Variants in GPHN observed in about 807,000 individuals in gnomAD.
GPHN encodes the protein gephyrin.
Under a neutral mutation model 95.5 loss-of-function variants are expected in GPHN, and 17 were observed. The observed-to-expected ratio is 0.18, with a 90% CI of 0.12 to 0.27. The LOEUF is 0.27. GPHN is among the 10% of genes least tolerant of loss of function. GPHN has a pLI of 1.00. For missense variants in GPHN, 660 were observed against 978.1 expected, an observed-to-expected ratio of 0.67 and a Z score of 4.34; for synonymous variants, 320 against 322.5, an observed-to-expected ratio of 0.99 and a Z score of 0.08.
chr14:67,511,707 G>A, the GPHN span, among the ~76,000 whole-genome samples: 1 of 152,204 alleles, frequency 6.6e-6, no homozygotes, highest in Non-Finnish European at 1.5e-5. Context: ...TGAAGGAGCA[G>A]GGGGCCAGCA....
chr14:67,247,379 T>C, the GPHN span, among the ~76,000 whole-genome samples: 1 of 152,234 alleles, frequency 6.6e-6, no homozygotes, highest in Non-Finnish European at 1.5e-5. Flanking sequence ...GACTTTCTGC[T>C]AAACTCCCTT....
At chr14:67,671,669 A>G in the GPHN span, among the ~76,000 whole-genome samples, 5 of 152,252 alleles carry the variant, frequency 3.3e-5, no homozygotes. Flanking sequence ...AGAATAGCTG[A>G]GTCTGGGTAA....
chr14:67,420,458 G>A, the GPHN span, among the ~76,000 whole-genome samples: 4 of 152,228 alleles, frequency 2.6e-5, no homozygotes, highest in Non-Finnish European at 2.9e-5. Context: ...AAGAGATGGT[G>A]GAAGGATTGA....
chr14:67,053,094 A>G (rs919649523), intron 10 of GPHN, among the ~76,000 whole-genome samples: 2 of 151,536 alleles, frequency 1.3e-5, no homozygotes, highest in Non-Finnish European at 2.9e-5. Context: ...AAGACAAGAA[A>G]TAACCAAGAT....
At chr14:67,242,900 AATAT>A in the GPHN span, among the ~76,000 whole-genome samples, 3 of 152,286 alleles carry the variant, frequency 2.0e-5, no homozygotes, top group African/African-American at 7.2e-5. Flanking sequence ...AACGGGAGAG[AATAT>A]ATAAGTTCTA....
chr14:67,188,143 T>C, the GPHN span, among the ~76,000 whole-genome samples: 1 of 152,098 alleles, frequency 6.6e-6, no homozygotes, highest in African/African-American at 2.4e-5. Context: ...CAGGCGTGAA[T>C]AGGCAGGCCC....
the GPHN span, among the ~76,000 whole-genome samples, chr14:67,479,119 C>T: frequency 4.6e-5 from 7 of 152,044 alleles, no homozygotes; most frequent in Non-Finnish European, 1.0e-4. Context: ...CTTAAAAATG[C>T]TTATGGAGGC....
the GPHN span, among the ~76,000 whole-genome samples, chr14:67,639,764 T>C: frequency 6.6e-6 from 1 of 151,776 alleles, no homozygotes; most frequent in Admixed American, 6.6e-5. Flanking sequence ...CTACTAAAAA[T>C]ACAAAAACAA....
At chr14:67,276,259 T>C in the GPHN span, among the ~76,000 whole-genome samples, 246 of 152,312 alleles carry the variant, frequency 1.6e-3, no homozygotes, top group African/African-American at 5.7e-3. Flanking sequence ...TTTATCATTA[T>C]TCATGTACAG....
intron 1 of GPHN, among the ~76,000 whole-genome samples, chr14:66,598,973 T>C (rs1179989501): frequency 6.6e-6 from 1 of 152,088 alleles, no homozygotes; most frequent in Non-Finnish European, 1.5e-5. Context: ...TTAGTACAAT[T>C]TTTTTATACG....
the GPHN span, among the ~76,000 whole-genome samples, chr14:67,294,170 G>T: frequency 1.3e-5 from 2 of 152,140 alleles, no homozygotes; most frequent in Non-Finnish European, 2.9e-5. Flanking sequence ...TAAAAGTACT[G>T]TATAAAGGAG....
At position 67,122,149 on chromosome 14, in the gene GPHN, T is replaced by C. The variant is rs962591437; in HGVS notation, c.1627-107T>C. On this transcript the variant is annotated intron_variant, in intron 16 of 22. Transcript: ENST00000478722. ...TTCACCTTCAAAATGCCAGATACCATTGTAGGTGCTAGATATGCTAAACTC... is the reference window on the plus strand; with the variant it reads ...TTCACCTTCAAAATGCCAGATACCACTGTAGGTGCTAGATATGCTAAACTC... 24 of 1,017,044 alleles carry C rather than the reference T, an allele frequency of 2.4e-5. 1 individual carries two copies. The highest frequency in any genetic ancestry group is 8.7e-5 in the Admixed American group (5 of 57,254). 63.0% of individuals were successfully genotyped at this position (1,017,044 alleles called of 1,614,324 possible). A position where few individuals can be genotyped will look rare whatever the true frequency, so the allele number is the denominator to read the frequency against.
chr14:67,733,633 TCTGG>T, the GPHN span: 3 of 714,740 alleles, frequency 4.2e-6, no homozygotes, highest in Non-Finnish European at 7.5e-6. Context: ...TTTCTTTGAG[TCTGG>T]CATATATTGT....
chr14:67,729,431 C>T, the GPHN span: 2 of 1,547,826 alleles, frequency 1.3e-6, no homozygotes, highest in Non-Finnish European at 1.8e-6. Context: ...ATGGGAGGTG[C>T]CGGACTCGCT....
At chr14:67,171,154 G>T (rs1355677968) in intron 21 of GPHN, among the ~76,000 whole-genome samples, 1 of 152,010 alleles carries the variant, frequency 6.6e-6, no homozygotes, top group Non-Finnish European at 1.5e-5. Flanking sequence ...TTTGAGACCA[G>T]CCTGGGCAAC....
the GPHN span, among the ~76,000 whole-genome samples, chr14:67,317,100 T>C: frequency 2.0e-5 from 3 of 152,222 alleles, no homozygotes; most frequent in African/African-American, 7.2e-5. Flanking sequence ...GTGTAGTTAA[T>C]TGAAAATTGT....
At chr14:67,095,617 A>G (rs890458054) in intron 12 of GPHN, among the ~76,000 whole-genome samples, 1 of 151,760 alleles carries the variant, frequency 6.6e-6, no homozygotes, top group East Asian at 1.9e-4. Flanking sequence ...CGATGAGTTC[A>G]TGTCCTTTGT....
At chr14:67,375,145 C>T in the GPHN span, among the ~76,000 whole-genome samples, 1 of 152,078 alleles carries the variant, frequency 6.6e-6, no homozygotes, top group South Asian at 2.1e-4. Context: ...AGCAGCAAAG[C>T]AAAGATAGCC....
chr14:67,414,512 C>G, the GPHN span, among the ~76,000 whole-genome samples: 2 of 152,242 alleles, frequency 1.3e-5, no homozygotes, highest in South Asian at 4.1e-4. Flanking sequence ...AGAGACACCC[C>G]TCCTCTCCCT....
Sources: gnomAD v4.1 joint callset for allele counts (sites outside exome capture counted in the v4.1 genomes callset) on GRCh38, gnomAD v4.1.1 for gene constraint, MANE v1.5 for transcripts, NCBI Gene and HGNC (gene_info 2026-07-23, HGNC 2026-07-21) for gene names.